The following SIPA1L2 variants were observed in gnomAD, a reference collection of about 807,000 sequenced individuals.
SIPA1L2 encodes signal induced proliferation associated 1 like 2, also known as signal-induced proliferation-associated 1-like protein 2.
A neutral mutation model predicts 163.9 loss-of-function variants in SIPA1L2; 56 were observed. The observed-to-expected ratio is 0.34, with a 90% CI of 0.28 to 0.43. The LOEUF is 0.43. Ranked by LOEUF, SIPA1L2 falls within the 20% of genes least tolerant of loss-of-function variation. SIPA1L2 has a pLI of 1.00. For synonymous variants in SIPA1L2, 877 were observed against 865.7 expected (o/e 1.01, Z -0.23); for missense variants, 1,974 against 2,193.5 (o/e 0.90, Z 2.00).
chr1:232,405,904 C>T (rs187480665), intron 19 of SIPA1L2, among the ~76,000 whole-genome samples: 28 of 152,198 alleles, frequency 1.8e-4, no homozygotes, highest in African/African-American at 6.7e-4. Context: ...ACATATTTAA[C>T]AGAAACAGAA....
intron 3 of SIPA1L2, 146 bp downstream of exon 3, chr1:232,513,711 G>T: frequency 1.3e-6 from 1 of 794,246 alleles, no homozygotes; most frequent in Non-Finnish European, 1.9e-6. Context: ...GCTATGGAGG[G>T]ACCATGATGG....
chr1:232,621,594 G>A (rs1334310976), intron 1 of SIPA1L2, among the ~76,000 whole-genome samples: 7 of 152,112 alleles, frequency 4.6e-5, no homozygotes, highest in Non-Finnish European at 8.8e-5. Context: ...TAAGGTTCTC[G>A]TTAAGTATAC....
intron 1 of SIPA1L2, among the ~76,000 whole-genome samples, chr1:232,627,944 T>C (rs912641395): frequency 6.6e-6 from 1 of 152,246 alleles, no homozygotes; most frequent in African/African-American, 2.4e-5. Context: ...CCTTCAGCTA[T>C]TTATGAATAC....
At chr1:232,419,308 A>T (rs1486538855) in intron 18 of SIPA1L2, among the ~76,000 whole-genome samples, 2 of 152,244 alleles carry the variant, frequency 1.3e-5, no homozygotes, top group Non-Finnish European at 2.9e-5. Flanking sequence ...TCAACATGAA[A>T]AACACATACA....
intron 10 of SIPA1L2, among the ~76,000 whole-genome samples, chr1:232,456,981 T>C (rs1287271339): frequency 6.6e-6 from 1 of 152,188 alleles, no homozygotes; most frequent in Non-Finnish European, 1.5e-5. Context: ...CAGTGTTCCC[T>C]GCAACTCCAC....
rs977118707 is a variant in SIPA1L2, at chr1:232,465,513, TACATAC to T, written c.2244-103_2244-98del. Reference sequence around the variant, plus strand: ...ATATATATACACACACACACACATATACATACACACACACACACACATATACATACA... The same window carrying T: ...ATATATATACACACACACACACATATACACACACACACACATATACATACA... On this transcript the variant is annotated intron_variant, in intron 8 of 22. Coordinates refer to ENST00000674635, the MANE Select transcript of SIPA1L2 (RefSeq NM_020808.5). The surrounding 1 kb of genome is among the most constrained non-coding windows in gnomAD (Gnocchi z 4.1). The T allele has an allele frequency of 5.3e-5, 45 of 842,176 alleles. No individual in the cohort carries two copies. The highest frequency in any genetic ancestry group is 1.5e-4 in the African/African-American group (8 of 54,786). 52.2% of individuals were successfully genotyped at this position (842,176 alleles called of 1,614,324 possible).
intron 15 of SIPA1L2, among the ~76,000 whole-genome samples, chr1:232,436,750 T>C (rs1351906833): frequency 1.3e-5 from 2 of 152,166 alleles, no homozygotes; most frequent in Non-Finnish European, 2.9e-5. Flanking sequence ...ACAAGGCAAA[T>C]GCTGTAAATC....
chr1:232,551,681 G>T (rs553357008), intron 2 of SIPA1L2, among the ~76,000 whole-genome samples: 64 of 152,318 alleles, frequency 4.2e-4, no homozygotes, highest in African/African-American at 1.5e-3. Context: ...GCAGGAGGGC[G>T]GAAGGGTTGC....
intron 3 of SIPA1L2, among the ~76,000 whole-genome samples, chr1:232,508,806 T>A (rs1246466573): frequency 6.6e-6 from 1 of 152,180 alleles, no homozygotes; most frequent in East Asian, 1.9e-4. Flanking sequence ...AAAAAAGCTG[T>A]TTTGGCTGGG....
intron 1 of SIPA1L2, among the ~76,000 whole-genome samples, chr1:232,579,376 A>G (rs1660246980): frequency 6.6e-6 from 1 of 152,162 alleles, no homozygotes; most frequent in Non-Finnish European, 1.5e-5. Flanking sequence ...ATTAGCCCCA[A>G]AACACTCCGG....
At chr1:232,568,835 G>T (rs1458260944) in intron 2 of SIPA1L2, among the ~76,000 whole-genome samples, 3 of 152,170 alleles carry the variant, frequency 2.0e-5, no homozygotes, top group African/African-American at 7.2e-5. Flanking sequence ...CAACATGCCA[G>T]GCGCCCTGGA....
At chr1:232,469,328 G>A (rs1664685317) in intron 8 of SIPA1L2, among the ~76,000 whole-genome samples, 1 of 152,176 alleles carries the variant, frequency 6.6e-6, no homozygotes, top group African/African-American at 2.4e-5. Flanking sequence ...TTATTTTAAT[G>A]AATTTATTTC....
intron 15 of SIPA1L2, among the ~76,000 whole-genome samples, chr1:232,433,106 T>C (rs1044289785): frequency 2.6e-5 from 4 of 152,150 alleles, no homozygotes; most frequent in East Asian, 1.9e-4. Context: ...TGGAACAATG[T>C]TGATTAGAAG....
In SIPA1L2 at chr1:232,399,151, G is replaced by A. The variant is rs1660183437; in HGVS notation, c.5145C>T (p.Phe1715=). Residue 1715 remains phenylalanine (F), a synonymous_variant, in exon 23 of 23, where the codon TTC becomes TTT. Coordinates refer to ENST00000674635, the MANE Select transcript of SIPA1L2 (RefSeq NM_020808.5). The stretch of plus-strand genomic sequence containing the variant: ...GCTAAGATTTTTTGTCGATGGTGGT[G>A]AAAAACCATTCTGTGAATTTCCGCA... ...AQLRKFTEWF[F]TTIDKKS The A allele has an allele frequency of 6.2e-7, 1 of 1,613,954 alleles. No individual in the cohort carries two copies. The highest frequency in any genetic ancestry group is 1.7e-5 in the Admixed American group (1 of 59,990).
At chr1:232,605,332 G>A (rs1169347631) in intron 1 of SIPA1L2, among the ~76,000 whole-genome samples, 1 of 152,152 alleles carries the variant, frequency 6.6e-6, no homozygotes, top group Non-Finnish European at 1.5e-5. Context: ...AGGTAGTACA[G>A]ACTTCAGGTT....
chr1:232,596,395 C>A (rs1452445893), intron 1 of SIPA1L2, among the ~76,000 whole-genome samples: 1 of 152,208 alleles, frequency 6.6e-6, no homozygotes, highest in Non-Finnish European at 1.5e-5. Flanking sequence ...CACACTGCCA[C>A]TGAGGCATCG....
intron 7 of SIPA1L2, among the ~76,000 whole-genome samples, chr1:232,473,758 T>C (rs1664908149): frequency 6.6e-6 from 1 of 152,164 alleles, no homozygotes; most frequent in Admixed American, 6.5e-5. Context: ...GGCCACATAA[T>C]GCACTTTGTA....
intron 1 of SIPA1L2, among the ~76,000 whole-genome samples, chr1:232,585,694 T>C (rs1660619645): frequency 6.6e-6 from 1 of 152,178 alleles, no homozygotes; most frequent in African/African-American, 2.4e-5. Flanking sequence ...GGAAGCCTCA[T>C]TCTCCATAAC....
At chr1:232,566,352 T>C (rs1228303885) in intron 2 of SIPA1L2, among the ~76,000 whole-genome samples, 4 of 152,156 alleles carry the variant, frequency 2.6e-5, no homozygotes, top group African/African-American at 9.7e-5. Context: ...TCCACTGATA[T>C]TTCCTCCAAA....
Sources: gnomAD v4.1 joint callset for allele counts (sites outside exome capture counted in the v4.1 genomes callset) on GRCh38, gnomAD v4.1.1 for gene constraint, Gnocchi (gnomAD v3.1) non-coding constraint, MANE v1.5 for transcripts, NCBI Gene and HGNC (gene_info 2026-07-23, HGNC 2026-07-21) for gene names.